ZNHIT6: variants seen among roughly 807,000 people sequenced by gnomAD.
ZNHIT6 encodes the protein zinc finger HIT-type containing 6, also known as box C/D snoRNA protein 1.
ZNHIT6 carries 45 observed loss-of-function variants against 57.2 expected under a neutral mutation model. The ratio of observed to expected loss-of-function variants is 0.79; its 90% CI spans 0.62 to 1.01. The LOEUF (loss-of-function observed/expected upper bound fraction) is 1.01, where lower values mean the gene tolerates loss of function less well. Ranked by LOEUF, ZNHIT6 falls within the 50% of genes least tolerant of loss-of-function variation. The probability of loss-of-function intolerance (pLI) is 0.00; values close to 1 mark genes in which losing one functional copy is unlikely to be tolerated. For synonymous variants in ZNHIT6, 188 were observed against 190.0 expected (o/e 0.99, Z 0.09); for missense variants, 528 against 567.3 (o/e 0.93, Z 0.70).
At chr1:85,670,282 C>T (rs1324265569) in intron 8 of ZNHIT6, among the ~76,000 whole-genome samples, 3 of 152,192 alleles carry the variant, frequency 2.0e-5, no homozygotes, top group African/African-American at 7.2e-5. Flanking sequence ...TAGTTGCTTA[C>T]GTGCTACAAT....
At chr1:85,663,709 T>C (rs1274104658) in intron 8 of ZNHIT6, among the ~76,000 whole-genome samples, 5 of 152,200 alleles carry the variant, frequency 3.3e-5, no homozygotes, top group Non-Finnish European at 1.5e-5. Context: ...TAGTACTCTT[T>C]TCAAGATCTC....
At chr1:85,701,077 G>A (rs562552011) in intron 5 of ZNHIT6, among the ~76,000 whole-genome samples, 6 of 152,204 alleles carry the variant, frequency 3.9e-5, no homozygotes, top group African/African-American at 1.4e-4. Flanking sequence ...TTTACTTTTC[G>A]AAGACAACCA....
Position 85,681,464 on chromosome 1 carries a change from T to C in ZNHIT6, c.1020-560A>G, listed in dbSNP as rs534771560. ...GTCTGATTTTAGAAAAATGACTATA[T>C]TTAATATATCTAAATTTAGAGACAT... is the stretch of plus-strand genomic sequence containing the variant. On this transcript the variant is annotated intron_variant, in intron 5 of 9. Coordinates refer to ENST00000370574, the MANE Select transcript of ZNHIT6 (RefSeq NM_017953.4). 3.3e-5 allele frequency among the ~76,000 whole-genome samples: 5 copies of C among 152,330 alleles called. No individual in the cohort carries two copies. In the South Asian group the frequency reaches 1.0e-3, roughly 32 times the overall value.
intron 5 of ZNHIT6, among the ~76,000 whole-genome samples, chr1:85,695,291 T>C (rs1289798267): frequency 6.6e-6 from 1 of 151,898 alleles, no homozygotes; most frequent in Non-Finnish European, 1.5e-5. Flanking sequence ...GAAATAAAGA[T>C]ATTTTAAGAC....
chr1:85,692,450 A>G (rs895564407), intron 5 of ZNHIT6, among the ~76,000 whole-genome samples: 5 of 152,242 alleles, frequency 3.3e-5, no homozygotes, highest in Non-Finnish European at 7.4e-5. Flanking sequence ...CTTCCACACT[A>G]TTTTTCTAAA....
chr1:85,707,580 TG>T, intron 1 of ZNHIT6, 48 bp downstream of exon 1: 1 of 1,498,790 alleles, frequency 6.7e-7, no homozygotes, highest in Non-Finnish European at 8.9e-7. Context: ...ACTCTAGACA[TG>T]AGGACTCCAC....
In ZNHIT6 at chr1:85,707,613, A is replaced by C; in HGVS notation, c.656+16T>G. The C allele has an allele frequency of 1.3e-6, 2 of 1,529,452 alleles. No homozygotes were observed. The highest frequency in any genetic ancestry group is 1.7e-6 in the Non-Finnish European group (2 of 1,143,664). 94.7% of individuals were successfully genotyped at this position (1,529,452 alleles called of 1,614,324 possible). A position where few individuals can be genotyped will look rare whatever the true frequency, so the allele number is the denominator to read the frequency against. ...CCACAGCTTTATTCCCCTAAATGGA[A>C]TCCCCCATGCCCTACCTTGACATGG... On this transcript the variant is annotated intron_variant, in intron 1 of 9. Transcript: ENST00000370574.
At position 85,702,209 on chromosome 1, in the gene ZNHIT6, G is replaced by A. The variant is rs1192376704; in HGVS notation, c.967C>T (p.Leu323=). The A allele has an allele frequency of 1.2e-6, 2 of 1,611,268 alleles. No individual in the cohort carries two copies. The highest frequency in any genetic ancestry group is 2.2e-5 in the South Asian group (2 of 90,154). The part of the protein sequence containing the change: ...ARRQGINLKL[L]PNGFTKRKEN... The stretch of plus-strand genomic sequence containing the variant: ...TTCCTCTTGGTGAATCCATTGGGTA[G>A]AAGTTTTAAGTTAATACCTTGCCTC... Residue 323 remains leucine, a synonymous_variant, in exon 5 of 10, where the codon CTA becomes TTA. Transcript: ENST00000370574.
chr1:85,666,646 C>T (rs1297068150), intron 8 of ZNHIT6, among the ~76,000 whole-genome samples: 2 of 152,108 alleles, frequency 1.3e-5, no homozygotes, highest in Admixed American at 6.6e-5. Context: ...TGAGCTTCAG[C>T]TTTCTTAAAG....
intron 5 of ZNHIT6, among the ~76,000 whole-genome samples, chr1:85,691,683 G>A (rs963889455): frequency 6.6e-6 from 1 of 152,176 alleles, no homozygotes; most frequent in Admixed American, 6.5e-5. Flanking sequence ...GATCACCTGA[G>A]GCCAGGAGCC....
intron 5 of ZNHIT6, among the ~76,000 whole-genome samples, chr1:85,700,020 T>C (rs1662484348): frequency 6.6e-6 from 1 of 152,162 alleles, no homozygotes; most frequent in Non-Finnish European, 1.5e-5. Context: ...CATGTCACTT[T>C]ATATAGTTTT....
intron 8 of ZNHIT6, among the ~76,000 whole-genome samples, chr1:85,659,322 C>A (rs1469924845): frequency 6.6e-6 from 1 of 152,098 alleles, no homozygotes; most frequent in East Asian, 1.9e-4. Context: ...AGCTCACTAG[C>A]GGGTACATAT....
At position 85,653,001 on chromosome 1, in the gene ZNHIT6, A is replaced by T. The variant is rs528350113; in HGVS notation, c.*1057T>A. 6.6e-6 allele frequency: 1 copy of T among 152,294 alleles called. No homozygotes were observed. The highest frequency in any genetic ancestry group is 2.1e-4 in the South Asian group (1 of 4,824). 9.4% of individuals were successfully genotyped at this position (152,294 alleles called of 1,614,324 possible). A position where few individuals can be genotyped will look rare whatever the true frequency, so the allele number is the denominator to read the frequency against. ...TCCAATAACATGTTGAAGATTTCCC[A>T]GGTTTTTTTTTCTTTAAGTTATTGC... On this transcript the variant is annotated 3_prime_UTR_variant, in exon 10 of 10. Transcript: ENST00000370574.
rs967194611 is a variant in ZNHIT6 at position 85,708,326 on chromosome 1, A to T, written c.-42T>A. ...GCCTCTGCTGCCACTCTATCCTTCA[A>T]TGTGGCTGCTGCACACCAATAGGAG... On this transcript the variant is annotated 5_prime_UTR_variant, in exon 1 of 10. In the 5' UTR this introduces an upstream ATG that the reference lacks. Coordinates refer to ENST00000370574, the MANE Select transcript of ZNHIT6 (RefSeq NM_017953.4). 5.8e-6 allele frequency: 9 copies of T among 1,550,830 alleles called. No homozygotes were observed. Among genetic ancestry groups the T allele is most frequent in the Non-Finnish European group, 7.0e-6 (8 of 1,148,686 alleles).
rs990503256 is a variant in ZNHIT6, at chr1:85,651,914, C to T, written c.*2144G>A. 7 of 151,882 alleles carry T rather than the reference C, an allele frequency of 4.6e-5. No individual in the cohort carries two copies. The highest frequency in any genetic ancestry group is 7.4e-5 in the Non-Finnish European group (5 of 67,972). The allele number at this position is 151,882 out of a possible 1,614,324, so 9.4% of individuals were successfully genotyped here. On this transcript the variant is annotated 3_prime_UTR_variant, in exon 10 of 10. Transcript: ENST00000370574. The stretch of plus-strand genomic sequence containing the variant: ...AAACACACGTGTATTGTAAATCTTA[C>T]GGGAAAAAATATGCATATTAATCAA...
At chr1:85,697,677 T>C (rs1370547065) in intron 5 of ZNHIT6, among the ~76,000 whole-genome samples, 3 of 152,232 alleles carry the variant, frequency 2.0e-5, no homozygotes, top group African/African-American at 7.2e-5. Context: ...ACCTCTGCCA[T>C]GTTATTCTTC....
chr1:85,690,764 A>G (rs1311776542), intron 5 of ZNHIT6, among the ~76,000 whole-genome samples: 1 of 152,104 alleles, frequency 6.6e-6, no homozygotes, highest in Non-Finnish European at 1.5e-5. Flanking sequence ...GGTAGCTCAC[A>G]CCTGTAATCC....
chr1:85,685,064 A>G (rs1661989563), intron 5 of ZNHIT6, among the ~76,000 whole-genome samples: 1 of 152,200 alleles, frequency 6.6e-6, no homozygotes, highest in African/African-American at 2.4e-5. Flanking sequence ...AAAGTGTGGC[A>G]ACTTCATTGC....
chr1:85,663,867 C>A (rs962578047), intron 8 of ZNHIT6, among the ~76,000 whole-genome samples: 1 of 152,116 alleles, frequency 6.6e-6, no homozygotes, highest in Non-Finnish European at 1.5e-5. Flanking sequence ...TGAATATAGG[C>A]CCCCAAACTC....
Sources: gnomAD v4.1 joint callset for allele counts (sites outside exome capture counted in the v4.1 genomes callset) on GRCh38, gnomAD v4.1.1 for gene constraint, MANE v1.5 for transcripts, NCBI Gene and HGNC (gene_info 2026-07-23, HGNC 2026-07-21) for gene names.